Variants in PSMD14 observed in about 807,000 individuals in gnomAD.
PSMD14 encodes proteasome 26S subunit, non-ATPase 14, also known as ubiquitin C-terminal hydrolase PSMD14.
In PSMD14, 7 loss-of-function variants were observed where a neutral mutation model predicts 41.2. The ratio of observed to expected loss-of-function variants is 0.17; its 90% CI spans 0.10 to 0.32. The LOEUF is 0.32. Ranked by LOEUF, PSMD14 falls within the 10% of genes least tolerant of loss-of-function variation. The pLI is 1.00. For missense variants in PSMD14, 139 were observed against 375.6 expected (o/e 0.37, Z 5.21); for synonymous variants, 114 against 122.3 (o/e 0.93, Z 0.45).
intron 10 of PSMD14, among the ~76,000 whole-genome samples, chr2:161,397,093 G>A (rs936868683): frequency 1.3e-5 from 2 of 152,134 alleles, no homozygotes; most frequent in Non-Finnish European, 2.9e-5. Flanking sequence ...GCCTCCCAAA[G>A]TGCTGGGATT....
rs559369475 is a variant in PSMD14 at position 161,328,324 on chromosome 2, A to G, written c.48+9451A>G. ...AGCTAAAATGAATGAACTAGGTTCT[A>G]TATACCAATATGCATAATAGACCTT... On this transcript the variant is annotated intron_variant, in intron 3 of 11. Coordinates refer to ENST00000409682, the MANE Select transcript of PSMD14 (RefSeq NM_005805.6). 7.0e-4 allele frequency among the ~76,000 whole-genome samples: 106 copies of G among 152,326 alleles called. 1 individual carries two copies. The highest frequency in any genetic ancestry group is 2.4e-3 in the African/African-American group (100 of 41,588).
chr2:161,391,486 T>C (rs535015399), intron 9 of PSMD14, among the ~76,000 whole-genome samples: 1 of 152,320 alleles, frequency 6.6e-6, no homozygotes, highest in African/African-American at 2.4e-5. Flanking sequence ...GATTAACTTA[T>C]CTTCTTCAAT....
At chr2:161,355,423 A>G (rs1683181849) in intron 3 of PSMD14, among the ~76,000 whole-genome samples, 1 of 152,190 alleles carries the variant, frequency 6.6e-6, no homozygotes, top group Non-Finnish European at 1.5e-5. Context: ...TTGTAATATT[A>G]TATAATTGCA....
intron 6 of PSMD14, 78 bp from the exon 7 acceptor site, chr2:161,371,094 T>C: frequency 6.9e-7 from 1 of 1,455,176 alleles, no homozygotes; most frequent in South Asian, 1.3e-5. Flanking sequence ...TTATACCCCG[T>C]TAGTGTGTTG....
At chr2:161,328,958 G>T (rs959306248) in intron 3 of PSMD14, among the ~76,000 whole-genome samples, 1 of 152,062 alleles carries the variant, frequency 6.6e-6, no homozygotes, top group Non-Finnish European at 1.5e-5. Flanking sequence ...ACCAAATAAA[G>T]TCAGAAATTC....
chr2:161,404,627 C>CAAGAA (rs1683925339), intron 10 of PSMD14, among the ~76,000 whole-genome samples: 1 of 152,156 alleles, frequency 6.6e-6, no homozygotes, highest in Non-Finnish European at 1.5e-5. Flanking sequence ...CTTTTCATGA[C>CAAGAA]AGAGTATGGC....
chr2:161,360,171 T>A (rs148217635), intron 3 of PSMD14, among the ~76,000 whole-genome samples: 1 of 150,486 alleles, frequency 6.6e-6, no homozygotes, highest in Non-Finnish European at 1.5e-5. Flanking sequence ...TTCCACCCCG[T>A]AACATATATA....
intron 7 of PSMD14, chr2:161,383,969 CT>C (rs548457280): frequency 4.0e-5 from 6 of 151,168 alleles, no homozygotes; most frequent in African/African-American, 1.5e-4. Flanking sequence ...GTTTTTATTG[CT>C]TTTTTAAAAA....
At chr2:161,355,205 C>G (rs930335605) in intron 3 of PSMD14, among the ~76,000 whole-genome samples, 1 of 152,044 alleles carries the variant, frequency 6.6e-6, no homozygotes, top group Non-Finnish European at 1.5e-5. Context: ...ACTCAAGAAC[C>G]TAGGTATATT....
intron 3 of PSMD14, among the ~76,000 whole-genome samples, chr2:161,352,059 G>A (rs1451028422): frequency 1.3e-5 from 2 of 152,148 alleles, no homozygotes; most frequent in Non-Finnish European, 2.9e-5. Flanking sequence ...AATAAACGCT[G>A]TAGTAATTCA....
At chr2:161,309,212 AAGT>A (rs754982426) in intron 1 of PSMD14, among the ~76,000 whole-genome samples, 207 of 152,290 alleles carry the variant, frequency 1.4e-3, no homozygotes, top group East Asian at 1.7e-3. Context: ...TTCTCGTTTT[AAGT>A]AAAGTAGAAA....
At position 161,395,223 on chromosome 2, in the gene PSMD14, TTTC is replaced by T; in HGVS notation, c.771+26_771+28del. On this transcript the variant is annotated intron_variant, in intron 10 of 11. Transcript: ENST00000409682. ...AATAAGGTAAAAGTTACTTCTGCCA[TTTC>T]TTCTTTATAATCTTTGGAATATGTA... is the stretch of plus-strand genomic sequence containing the variant. The T allele has an allele frequency of 6.5e-7, 1 of 1,548,298 alleles. No homozygotes were observed. Among genetic ancestry groups the T allele is most frequent in the Non-Finnish European group, 8.8e-7 (1 of 1,140,928 alleles).
intron 5 of PSMD14, among the ~76,000 whole-genome samples, chr2:161,369,318 T>C (rs1683401180): frequency 6.6e-6 from 1 of 152,102 alleles, no homozygotes; most frequent in Non-Finnish European, 1.5e-5. Context: ...AGTAAACTTT[T>C]TCTATAAAGA....
intron 3 of PSMD14, among the ~76,000 whole-genome samples, chr2:161,364,547 C>G (rs1050347077): frequency 6.6e-6 from 1 of 152,074 alleles, no homozygotes; most frequent in South Asian, 2.1e-4. Flanking sequence ...TGTTCATGTT[C>G]TTACATACCT....
intron 1 of PSMD14, among the ~76,000 whole-genome samples, chr2:161,315,998 C>T (rs1315207247): frequency 5.9e-5 from 9 of 151,978 alleles, no homozygotes; most frequent in African/African-American, 1.4e-4. Context: ...CCTGCCACCA[C>T]GCCTGGCTAA....
At chr2:161,339,461 C>T (rs1486587361) in intron 3 of PSMD14, among the ~76,000 whole-genome samples, 1 of 148,384 alleles carries the variant, frequency 6.7e-6, no homozygotes, top group Non-Finnish European at 1.5e-5. Flanking sequence ...TCATGTGTTG[C>T]CTGGTTTTTA....
At chr2:161,322,412 C>T (rs111778403) in intron 3 of PSMD14, among the ~76,000 whole-genome samples, 1 of 152,148 alleles carries the variant, frequency 6.6e-6, no homozygotes, top group African/African-American at 2.4e-5. Context: ...TATTTTGAGT[C>T]AGAGACTTGC....
intron 2 of PSMD14, 94 bp from the exon 3 acceptor site, chr2:161,318,728 G>C (rs1481286814): frequency 2.2e-6 from 2 of 894,504 alleles, no homozygotes; most frequent in Non-Finnish European, 3.6e-6. Flanking sequence ...CAATATTTTT[G>C]ACATACTGAG....
chr2:161,324,031 T>C (rs1574115370), intron 3 of PSMD14, among the ~76,000 whole-genome samples: 1 of 152,234 alleles, frequency 6.6e-6, no homozygotes, highest in African/African-American at 2.4e-5. Context: ...TATTCTGTAC[T>C]TTTTAAAAAT....
Sources: allele counts gnomAD v4.1 joint callset (sites outside exome capture counted in the v4.1 genomes callset), GRCh38; gene constraint gnomAD v4.1.1; transcripts MANE v1.5; gene names NCBI Gene and HGNC (gene_info 2026-07-23, HGNC 2026-07-21).